SORCS2: variants seen among roughly 807,000 people sequenced by gnomAD.
SORCS2 encodes the protein sortilin related VPS10 domain containing receptor 2.
In SORCS2, 100 loss-of-function variants were observed where a neutral mutation model predicts 141.6. The observed-to-expected ratio is 0.71, with a 90% CI of 0.60 to 0.83. The LOEUF (loss-of-function observed/expected upper bound fraction) is 0.83. SORCS2 is among the 40% of genes least tolerant of loss of function. The pLI is 0.00. For synonymous variants in SORCS2, 789 were observed against 676.9 expected, an observed-to-expected ratio of 1.17 and a Z score of -2.57; for missense variants, 1,646 against 1,560.2, an observed-to-expected ratio of 1.05 and a Z score of -0.93.
intron 1 of SORCS2, among the ~76,000 whole-genome samples, chr4:7,361,727 G>A (rs1187033693): frequency 6.6e-6 from 1 of 151,974 alleles, no homozygotes; most frequent in Admixed American, 6.6e-5. Context: ...GCAGGCAGCT[G>A]TAAGGCTTTT....
At chr4:7,601,373 A>G (rs1192838981) in intron 3 of SORCS2, among the ~76,000 whole-genome samples, 1 of 151,764 alleles carries the variant, frequency 6.6e-6, no homozygotes, top group Admixed American at 6.6e-5. Flanking sequence ...CAACTTAAAC[A>G]TTTGTAGAAC....
chr4:7,254,097 C>A (rs1713687289), intron 1 of SORCS2, among the ~76,000 whole-genome samples: 1 of 152,188 alleles, frequency 6.6e-6, no homozygotes, highest in South Asian at 2.1e-4. Context: ...AGTTCAGCCA[C>A]TGTGGAAAAC....
chr4:7,288,599 G>A (rs918716206), intron 1 of SORCS2, among the ~76,000 whole-genome samples: 1 of 150,138 alleles, frequency 6.7e-6, no homozygotes, highest in Non-Finnish European at 1.5e-5. Context: ...AGAAGAGAGA[G>A]GAGAGAGGAG....
At chr4:7,240,615 T>C (rs1420234327) in intron 1 of SORCS2, among the ~76,000 whole-genome samples, 4 of 152,224 alleles carry the variant, frequency 2.6e-5, no homozygotes, top group Admixed American at 6.5e-5. Flanking sequence ...GGTCCTGTCC[T>C]TGTTTTCTGG....
At chr4:7,651,587 A>G (rs1306188210) in intron 4 of SORCS2, among the ~76,000 whole-genome samples, 1 of 152,246 alleles carries the variant, frequency 6.6e-6, no homozygotes, top group Non-Finnish European at 1.5e-5. Context: ...GAAGAGACCT[A>G]GAAACAGCGA....
intron 2 of SORCS2, among the ~76,000 whole-genome samples, chr4:7,403,557 G>T (rs184001602): frequency 1.3e-5 from 2 of 152,088 alleles, no homozygotes; most frequent in Non-Finnish European, 2.9e-5. Flanking sequence ...AGTAATAGCT[G>T]ATTCCAGAGA....
chr4:7,387,736 A>G (rs1419722233), intron 1 of SORCS2, among the ~76,000 whole-genome samples: 1 of 149,976 alleles, frequency 6.7e-6, no homozygotes, highest in Non-Finnish European at 1.5e-5. Context: ...ACACATTTGC[A>G]CACATGCACA....
intron 1 of SORCS2, among the ~76,000 whole-genome samples, chr4:7,226,245 G>A (rs1161756960): frequency 1.3e-5 from 2 of 152,152 alleles, no homozygotes; most frequent in African/African-American, 4.8e-5. Context: ...TGGCCTCACT[G>A]AGCCCCTTTG....
rs1172706203 is a variant in SORCS2, at chr4:7,667,276, G to A, written c.1161+63G>A. On this transcript the variant is annotated intron_variant, in intron 8 of 26. Transcript: ENST00000507866. ...ACCCTAAGCTTATCCTGACTCATGG[G>A]GCAACAGGACTCACACACAGGTGCT... 17 of 1,475,038 alleles carry A rather than the reference G, an allele frequency of 1.2e-5. 1 individual carries two copies. The South Asian group carries it at 1.8e-4, about 16-fold the overall frequency. 91.4% of individuals were successfully genotyped at this position (1,475,038 alleles called of 1,614,324 possible).
At chr4:7,644,598 A>G (rs1200013282) in intron 4 of SORCS2, among the ~76,000 whole-genome samples, 1 of 152,228 alleles carries the variant, frequency 6.6e-6, no homozygotes, top group East Asian at 1.9e-4. Flanking sequence ...GGATGAAAGC[A>G]TGTTGAGTGC....
At chr4:7,386,132 C>T (rs1414978133) in intron 1 of SORCS2, among the ~76,000 whole-genome samples, 3 of 151,812 alleles carry the variant, frequency 2.0e-5, no homozygotes, top group African/African-American at 7.3e-5. Flanking sequence ...TGTACACACG[C>T]ACACATGCAC....
intron 3 of SORCS2, among the ~76,000 whole-genome samples, chr4:7,587,513 C>T (rs540538534): frequency 5.3e-5 from 8 of 152,346 alleles, no homozygotes; most frequent in African/African-American, 9.6e-5. Flanking sequence ...ATGAGACTGA[C>T]GAATGTGCTT....
chr4:7,207,473 G>A (rs1410107837), intron 1 of SORCS2, among the ~76,000 whole-genome samples: 1 of 152,208 alleles, frequency 6.6e-6, no homozygotes, highest in Non-Finnish European at 1.5e-5. Flanking sequence ...CAGGCTCCTG[G>A]AGGCGGGCAG....
chr4:7,724,471 GTGA>G (rs1177066766), intron 19 of SORCS2, among the ~76,000 whole-genome samples: 4,150 of 71,764 alleles, frequency 0.058, 115 homozygotes, highest in African/African-American at 0.21. Context: ...GGTGGTGATG[GTGA>G]TGGTGGTGAT....
At chr4:7,313,170 C>T (rs1040756074) in intron 1 of SORCS2, among the ~76,000 whole-genome samples, 10 of 152,232 alleles carry the variant, frequency 6.6e-5, no homozygotes, top group Admixed American at 2.6e-4. Context: ...ATTCCATTTC[C>T]GATGCATTCA....
At chr4:7,665,355 C>T (rs564876381) in intron 7 of SORCS2, among the ~76,000 whole-genome samples, 1 of 152,324 alleles carries the variant, frequency 6.6e-6, no homozygotes, top group African/African-American at 2.4e-5. Flanking sequence ...GAGGCTGCTG[C>T]TGCCACTGAT....
At chr4:7,443,069 C>A (rs1057043730) in intron 2 of SORCS2, among the ~76,000 whole-genome samples, 1 of 152,204 alleles carries the variant, frequency 6.6e-6, no homozygotes, top group African/African-American at 2.4e-5. Flanking sequence ...ATGAGAATAC[C>A]AGTCATTGGA....
At chr4:7,465,735 T>C (rs1362588228) in intron 2 of SORCS2, among the ~76,000 whole-genome samples, 4 of 152,224 alleles carry the variant, frequency 2.6e-5, no homozygotes, top group East Asian at 1.9e-4. Context: ...TAGTTACACA[T>C]GTACAAGAGG....
chr4:7,683,215 C>A (rs560100324), intron 10 of SORCS2, among the ~76,000 whole-genome samples: 1 of 151,058 alleles, frequency 6.6e-6, no homozygotes, highest in Non-Finnish European at 1.5e-5. Context: ...CTGAGCTGGG[C>A]AGCTCTGCTG....
Sources: allele counts gnomAD v4.1 joint callset (sites outside exome capture counted in the v4.1 genomes callset), GRCh38; gene constraint gnomAD v4.1.1; transcripts MANE v1.5; gene names NCBI Gene and HGNC (gene_info 2026-07-23, HGNC 2026-07-21).